The following TMEM108 variants were observed in gnomAD, a reference collection of about 807,000 sequenced individuals.
TMEM108 encodes the protein transmembrane protein 108, also known as cancer/testis antigen 124.
In TMEM108, 12 loss-of-function variants were observed where a neutral mutation model predicts 35.1. That is an observed-to-expected ratio of 0.34 (90% CI 0.22 to 0.55). TMEM108 has a LOEUF of 0.55. Ranked by LOEUF, TMEM108 falls within the 20% of genes least tolerant of loss-of-function variation. The pLI is 0.89. For synonymous variants in TMEM108, 287 were observed against 308.6 expected, an observed-to-expected ratio of 0.93 and a Z score of 0.73; for missense variants, 680 against 753.3, an observed-to-expected ratio of 0.90 and a Z score of 1.14.
At chr3:133,345,834 A>G (rs2071801775) in intron 3 of TMEM108, among the ~76,000 whole-genome samples, 1 of 151,986 alleles carries the variant, frequency 6.6e-6, no homozygotes, top group Non-Finnish European at 1.5e-5. Context: ...TAACAGATAT[A>G]TAATCCACAT....
Position 133,397,682 on chromosome 3 carries a change from T to C in TMEM108, c.*1696T>C, listed in dbSNP as rs932620283. 2.6e-5 allele frequency: 4 copies of C among 152,180 alleles called. No individual in the cohort carries two copies. Among genetic ancestry groups the C allele is most frequent in the Admixed American group, 6.5e-5 (1 of 15,278 alleles). The allele number at this position is 152,180 out of a possible 1,614,324, so 9.4% of individuals were successfully genotyped here. A position where few individuals can be genotyped will look rare whatever the true frequency, so the allele number is the denominator to read the frequency against. ...TATGTAATCAAAGATACATATGTTA[T>C]ATATACATATGTGGATGTATGACTT... On this transcript the variant is annotated 3_prime_UTR_variant, in exon 6 of 6. Transcript: ENST00000321871.
intron 2 of TMEM108, among the ~76,000 whole-genome samples, chr3:133,077,515 C>G (rs903709960): frequency 1.3e-5 from 2 of 152,158 alleles, no homozygotes; most frequent in Non-Finnish European, 2.9e-5. Flanking sequence ...CTGCTCTCCC[C>G]ACTTTGTTCT....
At chr3:133,283,101 A>G (rs911219920) in intron 3 of TMEM108, among the ~76,000 whole-genome samples, 1 of 152,216 alleles carries the variant, frequency 6.6e-6, no homozygotes, top group Non-Finnish European at 1.5e-5. Flanking sequence ...TTTTTGTCTT[A>G]TCTGCATTAC....
At chr3:133,132,136 A>G (rs1279320911) in intron 2 of TMEM108, among the ~76,000 whole-genome samples, 1 of 152,234 alleles carries the variant, frequency 6.6e-6, no homozygotes, top group Non-Finnish European at 1.5e-5. Flanking sequence ...TGACGCAGCA[A>G]GTGCTCATGG....
chr3:133,050,357 A>C (rs1455499200), intron 2 of TMEM108, among the ~76,000 whole-genome samples: 1 of 152,088 alleles, frequency 6.6e-6, no homozygotes, highest in Non-Finnish European at 1.5e-5. Flanking sequence ...TTATTTGAAC[A>C]GTTTTAAGTT....
At chr3:133,186,341 T>G (rs745741709) in intron 2 of TMEM108, among the ~76,000 whole-genome samples, 2 of 152,214 alleles carry the variant, frequency 1.3e-5, no homozygotes, top group Non-Finnish European at 2.9e-5. Context: ...AAGTGTTGCT[T>G]AACTTCCCAG....
chr3:133,312,717 G>A lies in TMEM108; in HGVS notation c.41-67035G>A, dbSNP rs193257201. 2.9e-3 allele frequency among the ~76,000 whole-genome samples: 438 copies of A among 152,294 alleles called. 3 individuals are homozygous for A. The highest frequency in any genetic ancestry group is 0.01 in the African/African-American group (417 of 41,568). Reference sequence around the variant, plus strand: ...GCAATGCCCTGCCCTGCTTTGGCTCGCCCTCTGTGGGCTGCATCCACTGTC... The same window carrying A: ...GCAATGCCCTGCCCTGCTTTGGCTCACCCTCTGTGGGCTGCATCCACTGTC... On this transcript the variant is annotated intron_variant, in intron 3 of 5. Coordinates refer to ENST00000321871, the MANE Select transcript of TMEM108 (RefSeq NM_023943.4).
At chr3:133,270,267 G>A (rs553693509) in intron 3 of TMEM108, among the ~76,000 whole-genome samples, 1 of 152,200 alleles carries the variant, frequency 6.6e-6, no homozygotes, top group African/African-American at 2.4e-5. Flanking sequence ...CCCACCACTA[G>A]AATGCAAGCT....
chr3:133,390,106 A>G (rs931443734), intron 4 of TMEM108, 74 bp from the exon 5 acceptor site: 2 of 1,580,226 alleles, frequency 1.3e-6, no homozygotes, highest in Admixed American at 3.4e-5. Context: ...AACTCTCCTC[A>G]TCAGTTCGGT....
chr3:133,385,183 A>G (rs1358057140), intron 4 of TMEM108, among the ~76,000 whole-genome samples: 1 of 152,234 alleles, frequency 6.6e-6, no homozygotes, highest in East Asian at 1.9e-4. Flanking sequence ...CTTGCCAATG[A>G]AAAGAGTAGA....
intron 2 of TMEM108, among the ~76,000 whole-genome samples, chr3:133,153,758 G>T (rs1944835102): frequency 6.6e-6 from 1 of 152,090 alleles, no homozygotes; most frequent in Non-Finnish European, 1.5e-5. Context: ...TCACAAAGAG[G>T]AACTTTCAGT....
At chr3:133,193,680 A>G (rs561065786) in intron 2 of TMEM108, among the ~76,000 whole-genome samples, 15 of 152,274 alleles carry the variant, frequency 9.9e-5, no homozygotes, top group Admixed American at 3.3e-4. Flanking sequence ...CTTTGCTTTT[A>G]CTTACAATTC....
intron 2 of TMEM108, among the ~76,000 whole-genome samples, chr3:133,212,942 G>A (rs1945854833): frequency 1.3e-5 from 2 of 151,634 alleles, no homozygotes; most frequent in African/African-American, 4.8e-5. Context: ...TTTCTTTATG[G>A]AAGTGAAGGA....
intron 3 of TMEM108, among the ~76,000 whole-genome samples, chr3:133,349,701 A>T (rs2071933057): frequency 6.6e-6 from 1 of 152,162 alleles, no homozygotes; most frequent in Non-Finnish European, 1.5e-5. Flanking sequence ...ACTAACCATG[A>T]GGGAAATACA....
chr3:133,096,641 G>T lies in TMEM108; in HGVS notation c.-47+50621G>T, dbSNP rs537625207. ...ATGCACTGTGCCTTTCCTATAATAT[G>T]TATTAAAATAGATGACAGATGGTAA... On this transcript the variant is annotated intron_variant, in intron 2 of 5. Coordinates refer to ENST00000321871, the MANE Select transcript of TMEM108 (RefSeq NM_023943.4). 1.6e-3 allele frequency among the ~76,000 whole-genome samples: 246 copies of T among 152,228 alleles called. 1 individual carries two copies. The highest frequency in any genetic ancestry group is 5.6e-3 in the African/African-American group (233 of 41,544).
chr3:133,318,794 G>A (rs1318688787), intron 3 of TMEM108, among the ~76,000 whole-genome samples: 1 of 152,050 alleles, frequency 6.6e-6, no homozygotes, highest in Non-Finnish European at 1.5e-5. Context: ...CCATTTGGAT[G>A]GACAGAATAG....
chr3:133,381,177 T>C lies in TMEM108; in HGVS notation c.1450+16T>C, dbSNP rs774649163. Reference sequence around the variant, plus strand: ...TCCTCCTGCTGTAAGTGCCGCCCTCTCCCACCCATCCTCTCCCTCTACCAC... The same window carrying C: ...TCCTCCTGCTGTAAGTGCCGCCCTCCCCCACCCATCCTCTCCCTCTACCAC... On this transcript the variant is annotated intron_variant, in intron 4 of 5. Coordinates refer to ENST00000321871, the MANE Select transcript of TMEM108 (RefSeq NM_023943.4). The C allele has an allele frequency of 6.4e-7, 1 of 1,571,302 alleles. No individual in the cohort carries two copies. The highest frequency in any genetic ancestry group is 2.3e-5 in the East Asian group (1 of 44,338).
chr3:133,076,590 G>A (rs975993942), intron 2 of TMEM108, among the ~76,000 whole-genome samples: 2 of 152,144 alleles, frequency 1.3e-5, no homozygotes, highest in Admixed American at 1.3e-4. Flanking sequence ...AAGCTACTCT[G>A]CCCTTAAAGT....
chr3:133,107,170 T>C (rs1390656799), intron 2 of TMEM108, among the ~76,000 whole-genome samples: 9 of 152,208 alleles, frequency 5.9e-5, no homozygotes, highest in Non-Finnish European at 1.5e-5. Context: ...ATTTACAAAT[T>C]AACTGAATTC....
Sources: allele counts gnomAD v4.1 joint callset (sites outside exome capture counted in the v4.1 genomes callset), GRCh38; gene constraint gnomAD v4.1.1; transcripts MANE v1.5; gene names NCBI Gene and HGNC (gene_info 2026-07-23, HGNC 2026-07-21).